Variants in RCSD1 observed in about 807,000 individuals in gnomAD.
RCSD1 encodes RCSD domain containing 1.
In RCSD1, 26 loss-of-function variants were observed where a neutral mutation model predicts 42.5. The observed-to-expected ratio is 0.61, with a 90% confidence interval of 0.45 to 0.85. RCSD1 has a LOEUF of 0.85. RCSD1 is among the 40% of genes least tolerant of loss of function. RCSD1 has a pLI of 0.00. For synonymous variants in RCSD1, 220 were observed against 212.2 expected (o/e 1.04, Z -0.32); for missense variants, 571 against 528.3 (o/e 1.08, Z -0.79).
intron 1 of RCSD1, chr1:167,641,252 G>T (rs1657997398): frequency 6.6e-6 from 1 of 152,172 alleles, no homozygotes; most frequent in Non-Finnish European, 1.5e-5. Flanking sequence ...GATAACTATG[G>T]TGTAAGCAGG....
intron 1 of RCSD1, among the ~76,000 whole-genome samples, chr1:167,677,536 C>A (rs1451981302): frequency 2.6e-5 from 4 of 152,148 alleles, no homozygotes; most frequent in Non-Finnish European, 5.9e-5. Flanking sequence ...ATTGGGGAAA[C>A]AGGAAGAAAT....
intron 1 of RCSD1, among the ~76,000 whole-genome samples, chr1:167,676,291 A>G (rs373202038): frequency 1.3e-5 from 2 of 152,230 alleles, no homozygotes; most frequent in Non-Finnish European, 1.5e-5. Context: ...TGCACCCTCC[A>G]GGGCAGACAG....
At chr1:167,701,308 CTTTCTTTCTTTT>C (rs1335121909) in intron 6 of RCSD1, among the ~76,000 whole-genome samples, 38 of 142,886 alleles carry the variant, frequency 2.7e-4, no homozygotes, top group South Asian at 1.5e-3. Context: ...TTCTTTCTTT[CTTTCTTTCTTTT>C]TTTTAGATGG....
At chr1:167,697,869 A>C in intron 6 of RCSD1, 27 bp downstream of exon 6, 2 of 1,449,984 alleles carry the variant, frequency 1.4e-6, no homozygotes, top group Non-Finnish European at 1.8e-6. Context: ...GTTCACATGC[A>C]GAAGGCAGTG....
At chr1:167,633,890 A>AG (rs1435383084) in intron 1 of RCSD1, 13 of 152,260 alleles carry the variant, frequency 8.5e-5, no homozygotes, top group African/African-American at 3.1e-4. Context: ...AGTAAAGACC[A>AG]TGCGCTGGAA....
Position 167,685,408 on chromosome 1 carries a change from G to A in RCSD1, c.109-13G>A, listed in dbSNP as rs747237639. On this transcript the variant is annotated splice_polypyrimidine_tract_variant and intron_variant, in intron 2 of 6. Coordinates refer to ENST00000367854, the MANE Select transcript of RCSD1 (RefSeq NM_052862.4). ...CTTTTTCTCTGTGTGTCTGTCTGTC[G>A]CCCTCCCTCCAGACACCAGCCAGTA... 5 of 1,608,662 alleles carry A rather than the reference G, an allele frequency of 3.1e-6. No homozygotes were observed. The highest frequency in any genetic ancestry group is 1.3e-5 in the African/African-American group (1 of 74,588).
chr1:167,649,244 G>A (rs1558075057), intron 1 of RCSD1, among the ~76,000 whole-genome samples: 2 of 152,198 alleles, frequency 1.3e-5, no homozygotes, highest in African/African-American at 4.8e-5. Flanking sequence ...AAAGAGGACA[G>A]TGTGCAGGAT....
intron 1 of RCSD1, among the ~76,000 whole-genome samples, chr1:167,653,791 T>C (rs1339551955): frequency 6.6e-6 from 1 of 152,194 alleles, no homozygotes; most frequent in Non-Finnish European, 1.5e-5. Context: ...AGGAAGGAGC[T>C]GGATCTTGGA....
At position 167,705,899 on chromosome 1, in the gene RCSD1, A is replaced by G. The variant is rs1372879347; in HGVS notation, c.*1203A>G. The G allele has an allele frequency of 6.6e-6, 1 of 152,188 alleles. No homozygotes were observed. 9.4% of individuals were successfully genotyped at this position (152,188 alleles called of 1,614,324 possible). A position where few individuals can be genotyped will look rare whatever the true frequency, so the allele number is the denominator to read the frequency against. On this transcript the variant is annotated 3_prime_UTR_variant, in exon 7 of 7. Coordinates refer to ENST00000367854, the MANE Select transcript of RCSD1 (RefSeq NM_052862.4). ...CTGAAAAATGTTAATCCAAATACAC[A>G]TTTAAACTTAGGGTCGGTCCTTATT...
intron 1 of RCSD1, 50 bp from the exon 2 acceptor site, chr1:167,683,850 C>A: frequency 6.5e-7 from 1 of 1,546,042 alleles, no homozygotes; most frequent in Non-Finnish European, 8.9e-7. Context: ...CCTTGCATGG[C>A]ATCTGGTACC....
At chr1:167,660,375 G>A (rs569224227) in intron 1 of RCSD1, among the ~76,000 whole-genome samples, 5 of 151,890 alleles carry the variant, frequency 3.3e-5, no homozygotes, top group African/African-American at 1.2e-4. Context: ...TGGGCCCATA[G>A]CCACAGCCAC....
At chr1:167,639,549 A>T (rs1397064639) in intron 1 of RCSD1, among the ~76,000 whole-genome samples, 1 of 151,770 alleles carries the variant, frequency 6.6e-6, no homozygotes, top group African/African-American at 2.4e-5. Flanking sequence ...CTGGAGCGCA[A>T]TGGTGCAATC....
At chr1:167,670,546 C>T (rs1658782716) in intron 1 of RCSD1, among the ~76,000 whole-genome samples, 1 of 152,178 alleles carries the variant, frequency 6.6e-6, no homozygotes, top group Non-Finnish European at 1.5e-5. Flanking sequence ...TCCATCTCCT[C>T]TGCAGCCTTT....
Position 167,707,829 on chromosome 1 carries a change from G to A in RCSD1, c.*3133G>A, listed in dbSNP as rs1297613339. Among the ~76,000 whole-genome samples, 4 of 151,982 alleles carry A rather than the reference G, an allele frequency of 2.6e-5. No individual in the cohort carries two copies. The highest frequency in any genetic ancestry group is 2.1e-4 in the South Asian group (1 of 4,820). ...TACTTTTGCACCAACCTAATAGCTC[G>A]GATTACAAGTATGCACCACCATGCC... On this transcript the variant is annotated 3_prime_UTR_variant, in exon 7 of 7. Transcript: ENST00000367854.
At chr1:167,662,102 A>G (rs186051428) in intron 1 of RCSD1, among the ~76,000 whole-genome samples, 3 of 152,246 alleles carry the variant, frequency 2.0e-5, no homozygotes, top group Non-Finnish European at 4.4e-5. Flanking sequence ...TAGATGACCC[A>G]TTCTATTCTT....
At chr1:167,680,571 A>T (rs1029284425) in intron 1 of RCSD1, among the ~76,000 whole-genome samples, 1 of 152,042 alleles carries the variant, frequency 6.6e-6, no homozygotes, top group Non-Finnish European at 1.5e-5. Context: ...GCCTCGACCA[A>T]CTGGGCCCGA....
At chr1:167,689,948 C>A (rs949275599) in intron 3 of RCSD1, 101 bp from the exon 4 acceptor site, 21 of 1,149,684 alleles carry the variant, frequency 1.8e-5, no homozygotes, top group Non-Finnish European at 2.7e-5. Context: ...AGTGGCAACA[C>A]CAACTTCTCT....
chr1:167,660,189 G>A (rs898868442), intron 1 of RCSD1, among the ~76,000 whole-genome samples: 3 of 152,102 alleles, frequency 2.0e-5, no homozygotes, highest in East Asian at 1.9e-4. Flanking sequence ...GATGTTAAGC[G>A]TTCCTATCCT....
At chr1:167,684,026 C>A (rs576561544) in intron 2 of RCSD1, 25 bp downstream of exon 2, 110 of 1,579,776 alleles carry the variant, frequency 7.0e-5, no homozygotes, top group Non-Finnish European at 9.1e-5. Flanking sequence ...TTCAGAGCAG[C>A]CTCTTCAGCA....
Sources: allele counts gnomAD v4.1 joint callset (sites outside exome capture counted in the v4.1 genomes callset), GRCh38; gene constraint gnomAD v4.1.1; transcripts MANE v1.5; gene names NCBI Gene and HGNC (gene_info 2026-07-23, HGNC 2026-07-21).